Variants in IFT88 observed in about 807,000 individuals in gnomAD.
IFT88 encodes intraflagellar transport protein 88 homolog.
A neutral mutation model predicts 119.5 loss-of-function variants in IFT88; 74 were observed. The ratio of observed to expected loss-of-function variants is 0.62; its 90% CI spans 0.51 to 0.75. The LOEUF (loss-of-function observed/expected upper bound fraction) is 0.75. Ranked by LOEUF, IFT88 falls within the 30% of genes least tolerant of loss-of-function variation. The pLI is 0.00. For missense variants in IFT88, 961 were observed against 977.7 expected, an observed-to-expected ratio of 0.98 and a Z score of 0.23; for synonymous variants, 279 against 316.7, an observed-to-expected ratio of 0.88 and a Z score of 1.26.
At chr13:20,607,362 C>T (rs2043669011) in intron 13 of IFT88, 1 of 565,430 alleles carries the variant, frequency 1.8e-6, no homozygotes, top group South Asian at 1.6e-5. Flanking sequence ...ATGTCCTATG[C>T]ACACACCATT....
chr13:20,626,039 GTTTCT>G (rs1566249761), intron 15 of IFT88, among the ~76,000 whole-genome samples, 190 bp downstream of exon 15: 2 of 62,448 alleles, frequency 3.2e-5, no homozygotes, highest in Non-Finnish European at 3.1e-5. Flanking sequence ...CCTGTTTGTC[GTTTCT>G]TTTTTTTTTT....
chr13:20,635,366 A>C (rs957286737), intron 16 of IFT88, among the ~76,000 whole-genome samples: 4 of 152,204 alleles, frequency 2.6e-5, no homozygotes, highest in African/African-American at 9.6e-5. Context: ...ATGGAGATAT[A>C]AAGACAGGAT....
intron 2 of IFT88, among the ~76,000 whole-genome samples, chr13:20,582,371 C>G (rs978018384): frequency 2.0e-5 from 3 of 152,086 alleles, no homozygotes; most frequent in Non-Finnish European, 4.4e-5. Flanking sequence ...ATGTTGATTC[C>G]AAATGGCAGT....
At chr13:20,613,284 A>C (rs560495794) in intron 13 of IFT88, among the ~76,000 whole-genome samples, 1 of 152,284 alleles carries the variant, frequency 6.6e-6, no homozygotes, top group African/African-American at 2.4e-5. Flanking sequence ...AAAGATATGA[A>C]TAGATATTTC....
At position 20,638,523 on chromosome 13, in the gene IFT88, G is replaced by A; in HGVS notation, c.1573+5G>A. 1.4e-6 allele frequency: 2 copies of A among 1,407,758 alleles called. No homozygotes were observed. Among genetic ancestry groups the A allele is most frequent in the Non-Finnish European group, 9.3e-7 (1 of 1,073,752 alleles). 87.2% of individuals were successfully genotyped at this position (1,407,758 alleles called of 1,614,324 possible). A position where few individuals can be genotyped will look rare whatever the true frequency, so the allele number is the denominator to read the frequency against. On this transcript the variant is annotated splice_donor_5th_base_variant and intron_variant, in intron 17 of 25. Coordinates refer to ENST00000351808, the MANE Select transcript of IFT88 (RefSeq NM_006531.5). ...CTGAAGCACTTTATAATATTGGTAAGTGAAACAAGGGGAAATTGCTTTTTA... is the reference window on the plus strand; with the variant it reads ...CTGAAGCACTTTATAATATTGGTAAATGAAACAAGGGGAAATTGCTTTTTA...
intron 13 of IFT88, chr13:20,607,785 C>T (rs1036131473): frequency 8.1e-6 from 6 of 744,224 alleles, no homozygotes; most frequent in Non-Finnish European, 1.3e-5. Context: ...TCCTCAACCT[C>T]GTCAGCTCTC....
At chr13:20,670,921 A>G (rs2055729551) in intron 23 of IFT88, 52 bp from the exon 24 acceptor site, 4 of 1,504,606 alleles carry the variant, frequency 2.7e-6, no homozygotes, top group African/African-American at 1.4e-5. Context: ...TCTATATTCA[A>G]CTTTGAAGGA....
rs765352147 is a variant in IFT88, at chr13:20,631,066, T to G, written c.1350T>G (p.Ser450Arg). ...AAAAAAAGGACAGTAGAGTGAAAAG[T>G]GCAGCTGCAACCAATCTCTCAGCCC... ...VLEKKDSRVK[S>R]AAATNLSALY... Residue 450 changes from serine to arginine, a missense_variant, in exon 16 of 26, where the codon AGT becomes AGG. Physicochemically the swap from Ser to Arg is moderately radical, Grantham distance 110. Transcript: ENST00000351808. The G allele has an allele frequency of 5.0e-6, 8 of 1,606,688 alleles. No individual in the cohort carries two copies. Among genetic ancestry groups the G allele is most frequent in the Non-Finnish European group, 6.0e-6 (7 of 1,173,338 alleles).
intron 23 of IFT88, among the ~76,000 whole-genome samples, chr13:20,665,078 C>CAA (rs397851417): frequency 8.0e-6 from 1 of 125,670 alleles, no homozygotes; most frequent in African/African-American, 2.7e-5. Context: ...CACTCCGTCT[C>CAA]AAAAAAAAAA....
In IFT88 at chr13:20,592,239, G is replaced by A. The variant is rs1254029696; in HGVS notation, c.329-96G>A. 1.2e-5 allele frequency: 10 copies of A among 840,300 alleles called. No individual in the cohort carries two copies. In the East Asian group the frequency reaches 1.3e-4, roughly 11 times the overall value. 52.1% of individuals were successfully genotyped at this position (840,300 alleles called of 1,614,324 possible). ...ATAATTGAAACCATTTAATAAAGAG[G>A]TAAATGAAATAGCTTATGCGAGGTT... On this transcript the variant is annotated intron_variant, in intron 6 of 25. Transcript: ENST00000351808.
chr13:20,659,856 C>G (rs1350488059), intron 22 of IFT88, among the ~76,000 whole-genome samples: 1 of 152,046 alleles, frequency 6.6e-6, no homozygotes, highest in Non-Finnish European at 1.5e-5. Context: ...CTTGGCCAGG[C>G]TGGTCTTGAA....
chr13:20,611,110 A>G (rs2044426039), intron 13 of IFT88, among the ~76,000 whole-genome samples: 1 of 151,458 alleles, frequency 6.6e-6, no homozygotes, highest in African/African-American at 2.4e-5. Context: ...ATAATAATTA[A>G]TAATAATAAT....
In IFT88 at chr13:20,615,827, G is replaced by T. The variant is rs1325301474; in HGVS notation, c.1147G>T (p.Ala383Ser). The change falls in exon 14 of 26, where the codon GCA becomes TCA. Residue 383 changes from alanine (A) to serine (S), a missense_variant. Transcript: ENST00000351808. ...AMAEKYIMTS[A>S]KLIAPVIETS... ...GGCAGAAAAATATATTATGACATCT[G>T]CAAAACTCATTGCTCCTGTAATTGA... The T allele has an allele frequency of 1.9e-6, 3 of 1,607,582 alleles. No individual in the cohort carries two copies. The highest frequency in any genetic ancestry group is 1.7e-5 in the Admixed American group (1 of 58,966).
intron 22 of IFT88, chr13:20,663,283 G>A: frequency 6.8e-7 from 1 of 1,479,812 alleles, no homozygotes; most frequent in South Asian, 1.2e-5. Context: ...CGTGAGGACA[G>A]GACACATGGA....
intron 22 of IFT88, among the ~76,000 whole-genome samples, chr13:20,657,678 A>C (rs1036328009): frequency 2.0e-5 from 3 of 152,192 alleles, no homozygotes; most frequent in Non-Finnish European, 4.4e-5. Context: ...CTGTAATCCC[A>C]GCACTTTGGG....
chr13:20,630,774 T>C (rs2140092263), intron 15 of IFT88, among the ~76,000 whole-genome samples: 1 of 152,352 alleles, frequency 6.6e-6, no homozygotes. Context: ...AATCTGCTGT[T>C]AGAACATCTA....
At chr13:20,676,830 A>G (rs1449298719) in intron 24 of IFT88, among the ~76,000 whole-genome samples, 1 of 152,238 alleles carries the variant, frequency 6.6e-6, no homozygotes. Context: ...TACAAAATAC[A>G]TATGCACATA....
intron 3 of IFT88, among the ~76,000 whole-genome samples, chr13:20,584,396 A>G (rs1367900886): frequency 6.6e-6 from 1 of 152,166 alleles, no homozygotes; most frequent in Non-Finnish European, 1.5e-5. Context: ...TTCAAACTAA[A>G]TATTTTTATT....
intron 14 of IFT88, 134 bp from the exon 15 acceptor site, chr13:20,625,616 G>A: frequency 1.8e-6 from 1 of 549,222 alleles, no homozygotes; most frequent in Non-Finnish European, 3.1e-6. Flanking sequence ...CTGTGTTGGA[G>A]CAAATCGAGT....
Sources: gnomAD v4.1 joint callset for allele counts (sites outside exome capture counted in the v4.1 genomes callset) on GRCh38, gnomAD v4.1.1 for gene constraint, MANE v1.5 for transcripts, NCBI Gene and HGNC (gene_info 2026-07-23, HGNC 2026-07-21) for gene names.